The following FAM83B variants were observed in gnomAD, a reference collection of about 807,000 sequenced individuals.
The protein encoded by FAM83B is protein FAM83B.
In FAM83B, 26 loss-of-function variants were observed where a neutral mutation model predicts 38.8. That is an observed-to-expected ratio of 0.67 (90% confidence interval 0.49 to 0.93). The LOEUF (loss-of-function observed/expected upper bound fraction) is 0.93, where lower values mean the gene tolerates loss of function less well. FAM83B is among the 40% of genes least tolerant of loss of function. The pLI is 0.00. For missense variants in FAM83B, 1,237 were observed against 1,197.3 expected, an observed-to-expected ratio of 1.03 and a Z score of -0.49; for synonymous variants, 419 against 423.1, an observed-to-expected ratio of 0.99 and a Z score of 0.12.
intron 2 of FAM83B, among the ~76,000 whole-genome samples, chr6:54,873,533 G>C (rs9475050): frequency 6.6e-6 from 1 of 151,862 alleles, no homozygotes; most frequent in Non-Finnish European, 1.5e-5. Context: ...AGAATCAATG[G>C]GAGCCTAATA....
In FAM83B at chr6:54,855,757, A is replaced by G. The variant is rs80039599; in HGVS notation, c.-61+8931A>G. 9.8e-5 allele frequency among the ~76,000 whole-genome samples: 15 copies of G among 152,342 alleles called. No homozygotes were observed. The East Asian group carries it at 2.9e-3, about 29-fold the overall frequency. The stretch of plus-strand genomic sequence containing the variant: ...GGGTGGATCCAAAATACGATTCACC[A>G]AAAAGTGGGGGCAGGAGCCCTTGAA... On this transcript the variant is annotated intron_variant, in intron 1 of 4. Transcript: ENST00000306858.
intron 2 of FAM83B, among the ~76,000 whole-genome samples, chr6:54,921,529 T>C (rs1773169253): frequency 6.6e-6 from 1 of 151,958 alleles, no homozygotes; most frequent in African/African-American, 2.4e-5. Flanking sequence ...CTAAGTCTCA[T>C]GTTTCCGATG....
chr6:54,902,143 G>A (rs1019023675), intron 2 of FAM83B, among the ~76,000 whole-genome samples: 3 of 152,102 alleles, frequency 2.0e-5, no homozygotes, highest in African/African-American at 7.2e-5. Flanking sequence ...AGATAGCAGA[G>A]CAATTGTCCT....
chr6:54,940,599 C>T lies in FAM83B; in HGVS notation c.1628C>T (p.Ser543Phe). Residue 543 changes from serine (S) to phenylalanine (F), a missense_variant, in exon 5 of 5, where the codon TCT (serine) becomes TTT (phenylalanine). Transcript: ENST00000306858. Reference protein sequence around the residue: ...ALYTHSRLRSSLVFKPTLPEQ... With the variant: ...ALYTHSRLRSFLVFKPTLPEQ... ...TATACTCATTCTCGGCTTCGTTCCT[C>T]TTTAGTATTTAAACCCACTTTACCT... is the stretch of plus-strand genomic sequence containing the variant. 1 of 1,614,050 alleles carries T rather than the reference C, an allele frequency of 6.2e-7. No individual in the cohort carries two copies. The highest frequency in any genetic ancestry group is 8.5e-7 in the Non-Finnish European group (1 of 1,180,004).
chr6:54,936,611 C>A (rs1325568757), intron 4 of FAM83B, among the ~76,000 whole-genome samples: 1 of 151,320 alleles, frequency 6.6e-6, no homozygotes, highest in Non-Finnish European at 1.5e-5. Context: ...TATATGGCTT[C>A]TTTGCTCCAG....
chr6:54,858,363 G>A (rs1357709232), intron 1 of FAM83B, among the ~76,000 whole-genome samples: 1 of 152,142 alleles, frequency 6.6e-6, no homozygotes, highest in East Asian at 1.9e-4. Context: ...AGTAGAGTGA[G>A]GGATGCATTC....
At chr6:54,939,419 G>A (rs1050667440) in intron 4 of FAM83B, among the ~76,000 whole-genome samples, 1 of 152,012 alleles carries the variant, frequency 6.6e-6, no homozygotes, top group African/African-American at 2.4e-5. Context: ...TATTTTGATG[G>A]GAATTGCATT....
At chr6:54,857,766 CATA>C (rs1771475777) in intron 1 of FAM83B, among the ~76,000 whole-genome samples, 1 of 152,042 alleles carries the variant, frequency 6.6e-6, no homozygotes, top group Non-Finnish European at 1.5e-5. Flanking sequence ...ACTTACTTCA[CATA>C]ATAAGTGTTA....
rs1431338111 is a variant in FAM83B at position 54,940,447 on chromosome 6, A to G, written c.1476A>G (p.Leu492=). 3 of 1,613,996 alleles carry G rather than the reference A, an allele frequency of 1.9e-6. No homozygotes were observed. The African/African-American group carries it at 4.0e-5, about 22-fold the overall frequency. Residue 492 remains leucine (L), a synonymous_variant, in exon 5 of 5, where the codon CTA becomes CTG. Transcript: ENST00000306858. ...TTGAACATACCACAAAGTCATTCCT[A>G]CGTAACTGGAGAATTGAATCCTACT... is the stretch of plus-strand genomic sequence containing the variant. ...PTLEHTTKSF[L]RNWRIESYLN...
intron 1 of FAM83B, among the ~76,000 whole-genome samples, chr6:54,850,489 T>C (rs1771246276): frequency 6.6e-6 from 1 of 152,210 alleles, no homozygotes; most frequent in Non-Finnish European, 1.5e-5. Context: ...TTTCGTTCTT[T>C]AACATCAGAT....
intron 2 of FAM83B, among the ~76,000 whole-genome samples, chr6:54,904,556 T>G (rs1772734514): frequency 1.3e-5 from 2 of 152,202 alleles, no homozygotes; most frequent in Middle Eastern, 3.2e-3. Flanking sequence ...GCCCAGTACA[T>G]TTTTTAATAA....
rs1772200214 is a variant in FAM83B, at chr6:54,883,850, G to A, written c.444+13160G>A. ...CCAATTTTTTAATCTTTTATTTTAAGGTTAGCTATTTTTGTGTTCTATCAA... is the reference window on the plus strand; with the variant it reads ...CCAATTTTTTAATCTTTTATTTTAAAGTTAGCTATTTTTGTGTTCTATCAA... On this transcript the variant is annotated intron_variant, in intron 2 of 4. Transcript: ENST00000306858. 2.0e-5 allele frequency among the ~76,000 whole-genome samples: 3 copies of A among 151,360 alleles called. No homozygotes were observed. The South Asian group carries it at 6.3e-4, about 32-fold the overall frequency.
chr6:54,897,197 A>G (rs915700388), intron 2 of FAM83B, among the ~76,000 whole-genome samples: 1 of 150,874 alleles, frequency 6.6e-6, no homozygotes, highest in African/African-American at 2.5e-5. Context: ...CTGCTGCTAC[A>G]CTGGTATGGC....
At chr6:54,900,651 T>A (rs1199113246) in intron 2 of FAM83B, among the ~76,000 whole-genome samples, 1 of 152,210 alleles carries the variant, frequency 6.6e-6, no homozygotes, top group East Asian at 1.9e-4. Context: ...GAAATAAGTA[T>A]GTGTCAGTGA....
chr6:54,870,292 T>A lies in FAM83B; in HGVS notation c.46T>A (p.Ser16Thr), dbSNP rs757204057. ...MLSSLNDECK[S>T]DNYIEPHYKE... ...TTCCTCATTGAATGATGAGTGTAAA[T>A]CTGACAACTACATTGAGCCTCACTA... is the stretch of plus-strand genomic sequence containing the variant. Residue 16 changes from serine (S) to threonine (T), a missense_variant, in exon 2 of 5, where the codon TCT becomes ACT. Coordinates refer to ENST00000306858, the MANE Select transcript of FAM83B (RefSeq NM_001010872.3). 45 of 1,613,810 alleles carry A rather than the reference T, an allele frequency of 2.8e-5. No individual in the cohort carries two copies. The Admixed American group carries it at 7.5e-4, about 27-fold the overall frequency.
chr6:54,878,546 G>C (rs1772052294), intron 2 of FAM83B, among the ~76,000 whole-genome samples: 1 of 152,230 alleles, frequency 6.6e-6, no homozygotes, highest in South Asian at 2.1e-4. Context: ...ATGTATTTGT[G>C]GGCAGAACAC....
rs184564244 is a variant in FAM83B, at chr6:54,890,349, C to G, written c.444+19659C>G. On this transcript the variant is annotated intron_variant, in intron 2 of 4. Transcript: ENST00000306858. Reference sequence around the variant, plus strand: ...AATAAAAGATTGCCTTGTCATCTGCCTTTTTCTATTTTTGTAAAACTGGAC... The same window carrying G: ...AATAAAAGATTGCCTTGTCATCTGCGTTTTTCTATTTTTGTAAAACTGGAC... Among the ~76,000 whole-genome samples the G allele has an allele frequency of 1.4e-3, 217 of 152,154 alleles. 3 individuals carry two copies. Among genetic ancestry groups the G allele is most frequent in the African/African-American group, 5.0e-3 (208 of 41,548 alleles).
At chr6:54,888,682 C>T (rs946910809) in intron 2 of FAM83B, among the ~76,000 whole-genome samples, 20 of 151,778 alleles carry the variant, frequency 1.3e-4, no homozygotes, top group African/African-American at 2.4e-5. Context: ...TTCTTTTTGT[C>T]ATTCATTTTT....
chr6:54,900,744 G>A (rs936353350), intron 2 of FAM83B, among the ~76,000 whole-genome samples: 5 of 152,154 alleles, frequency 3.3e-5, no homozygotes, highest in Admixed American at 1.3e-4. Flanking sequence ...ATAGCTTGCA[G>A]CTAAATGATG....
Sources: gnomAD v4.1 joint callset for allele counts (sites outside exome capture counted in the v4.1 genomes callset) on GRCh38, gnomAD v4.1.1 for gene constraint, MANE v1.5 for transcripts, NCBI Gene and HGNC (gene_info 2026-07-23, HGNC 2026-07-21) for gene names.